The following TANC1 variants were observed in gnomAD, a reference collection of about 807,000 sequenced individuals.
TANC1 encodes tetratricopeptide repeat, ankyrin repeat and coiled-coil containing 1.
Under a neutral mutation model 149.7 loss-of-function variants are expected in TANC1, and 77 were observed. The ratio of observed to expected loss-of-function variants is 0.51; its 90% CI spans 0.43 to 0.62. TANC1 has a LOEUF of 0.62. TANC1 is among the 20% of genes least tolerant of loss of function. TANC1 has a pLI of 0.00. For synonymous variants in TANC1, 854 were observed against 925.0 expected (o/e 0.92, Z 1.39); for missense variants, 1,985 against 2,321.8 (o/e 0.85, Z 2.98).
chr2:159,056,077 A>G, intron 2 of TANC1: 1 of 303,706 alleles, frequency 3.3e-6, no homozygotes, highest in South Asian at 4.1e-5. Context: ...GTAGGCAGCA[A>G]TTTTCTCCAA....
intron 2 of TANC1, among the ~76,000 whole-genome samples, chr2:159,020,569 G>A (rs2038746958): frequency 6.6e-6 from 1 of 151,940 alleles, no homozygotes; most frequent in Non-Finnish European, 1.5e-5. Flanking sequence ...CATACTTACT[G>A]CATGGTAGCC....
intron 4 of TANC1, among the ~76,000 whole-genome samples, chr2:159,129,840 G>A (rs962707942): frequency 6.6e-5 from 10 of 152,168 alleles, no homozygotes; most frequent in East Asian, 1.9e-4. Flanking sequence ...AACTGAACAC[G>A]TTGGTGCTCC....
intron 2 of TANC1, among the ~76,000 whole-genome samples, chr2:159,035,799 T>C (rs2040142024): frequency 6.6e-6 from 1 of 152,214 alleles, no homozygotes; most frequent in Admixed American, 6.5e-5. Flanking sequence ...GGTGCCTTTG[T>C]AGCTTTAAAC....
chr2:159,083,595 T>G (rs899450487), intron 3 of TANC1, among the ~76,000 whole-genome samples: 11 of 152,358 alleles, frequency 7.2e-5, no homozygotes, highest in East Asian at 5.8e-4. Context: ...ATTTTCATAC[T>G]GATACTTGCA....
At position 159,229,934 on chromosome 2, in the gene TANC1, C is replaced by G. The variant is rs776062900; in HGVS notation, c.4508C>G (p.Ser1503Trp). The change falls in exon 27 of 27, where the codon TCG (serine) becomes TGG (tryptophan). Residue 1503 changes from serine to tryptophan, a missense_variant. By Grantham distance (177) the Ser-to-Trp change is radical. Transcript: ENST00000263635. Reference sequence around the variant, plus strand: ...TTACAGTCCAAAGGAAGGCCGGTATCGCCACAGAGCAGGGCAGGAATCGGC... The same window carrying G: ...TTACAGTCCAAAGGAAGGCCGGTATGGCCACAGAGCAGGGCAGGAATCGGC... ...EGLQSKGRPV[S>W]PQSRAGIGKS... 1 of 1,614,072 alleles carries G rather than the reference C, an allele frequency of 6.2e-7. No homozygotes were observed. Among genetic ancestry groups the G allele is most frequent in the Non-Finnish European group, 8.5e-7 (1 of 1,180,050 alleles).
At chr2:158,992,513 CTTT>C (rs1285026918) in intron 1 of TANC1, among the ~76,000 whole-genome samples, 1 of 151,338 alleles carries the variant, frequency 6.6e-6, no homozygotes, top group Non-Finnish European at 1.5e-5. Context: ...TAATATATTT[CTTT>C]TTTTGAGACG....
intron 19 of TANC1, among the ~76,000 whole-genome samples, chr2:159,212,559 T>G (rs2059059509): frequency 6.6e-6 from 1 of 152,210 alleles, no homozygotes; most frequent in Non-Finnish European, 1.5e-5. Flanking sequence ...ATATCTTGTG[T>G]TGTATCCATG....
At chr2:159,070,236 T>C (rs919604269) in intron 3 of TANC1, among the ~76,000 whole-genome samples, 6 of 152,252 alleles carry the variant, frequency 3.9e-5, no homozygotes, top group African/African-American at 1.4e-4. Flanking sequence ...ATTTAATCCC[T>C]AATGAAATCC....
intron 4 of TANC1, among the ~76,000 whole-genome samples, chr2:159,110,813 T>C (rs911918251): frequency 6.6e-6 from 1 of 152,212 alleles, no homozygotes; most frequent in African/African-American, 2.4e-5. Context: ...CCTTGATTGT[T>C]TATCCTCAGT....
intron 2 of TANC1, among the ~76,000 whole-genome samples, chr2:159,019,925 T>C (rs2038672647): frequency 6.6e-6 from 1 of 151,990 alleles, no homozygotes; most frequent in Non-Finnish European, 1.5e-5. Context: ...AGTAAATGCA[T>C]GCTGAGCAAA....
At chr2:159,225,466 A>G (rs2059967347) in intron 23 of TANC1, 1 of 585,054 alleles carries the variant, frequency 1.7e-6, no homozygotes, top group Non-Finnish European at 3.0e-6. Flanking sequence ...TTCGTTTCTC[A>G]TTACTTTTTT....
intron 2 of TANC1, among the ~76,000 whole-genome samples, chr2:159,019,683 T>TTTTTTTTTTTTTTTG (rs2038642133): frequency 9.6e-6 from 1 of 104,294 alleles, no homozygotes; most frequent in Non-Finnish European, 2.0e-5. Context: ...TTTTTTTTTT[T>TTTTTTTTTTTTTTTG]TTTGAGGCAG....
At chr2:159,150,763 G>T in intron 7 of TANC1, 1 of 450,046 alleles carries the variant, frequency 2.2e-6, no homozygotes, top group Non-Finnish European at 3.8e-6. Flanking sequence ...CTTTATAACA[G>T]TCAGCTCATT....
rs1355427109 is a variant in TANC1, at chr2:159,063,382, A to G, written c.-15-2514A>G. Among the ~76,000 whole-genome samples, 3 of 152,304 alleles carry G rather than the reference A, an allele frequency of 2.0e-5. No homozygotes were observed. The East Asian group carries it at 5.8e-4, about 29-fold the overall frequency. On this transcript the variant is annotated intron_variant, in intron 2 of 26. Transcript: ENST00000263635. ...TGTGACCATCCCCCTTTCAGTGGGC[A>G]TAGCCTGTATGTCCATTGGTGACTG...
In TANC1 at chr2:159,065,938, C is replaced by G; in HGVS notation, c.28C>G (p.Arg10Gly). 6.2e-7 allele frequency: 1 copy of G among 1,613,754 alleles called. No homozygotes were observed. Among genetic ancestry groups the G allele is most frequent in the Non-Finnish European group, 8.5e-7 (1 of 1,179,812 alleles). ...GTTAAAGGCTGTGCTGAAGAAGAGC[C>G]GAGAGGGAGGAAAGGGAGGCAAGAA... The part of the protein sequence containing the change: MLKAVLKKS[R>G]EGGKGGKKEA... The change falls in exon 3 of 27, where the codon CGA (arginine) becomes GGA (glycine). Residue 10 changes from arginine to glycine, a missense_variant. This residue lies in a region of TANC1 where 557 missense variants were observed against 612.9 expected (regional missense o/e 0.91). Transcript: ENST00000263635.
chr2:159,166,808 C>T (rs370836975), intron 8 of TANC1, among the ~76,000 whole-genome samples: 3 of 152,206 alleles, frequency 2.0e-5, no homozygotes, highest in Admixed American at 1.3e-4. Context: ...GAAAATGCCT[C>T]AGAAAGCTGA....
chr2:159,219,103 C>T (rs1245007505), intron 20 of TANC1, 135 bp from the exon 21 acceptor site: 2 of 1,166,198 alleles, frequency 1.7e-6, no homozygotes, highest in Non-Finnish European at 2.5e-6. Context: ...TTTCCAGGCC[C>T]CATGGTTCAC....
In TANC1 at chr2:159,018,930, C is replaced by T. The variant is rs187366406; in HGVS notation, c.-16+17741C>T. Reference sequence around the variant, plus strand: ...ATTTGAAACTCTTATTATGCCTTCTCGGGCATGAAGGTAGTAACATCTAAT... The same window carrying T: ...ATTTGAAACTCTTATTATGCCTTCTTGGGCATGAAGGTAGTAACATCTAAT... On this transcript the variant is annotated intron_variant, in intron 2 of 26. Transcript: ENST00000263635. Among the ~76,000 whole-genome samples, 4 of 152,302 alleles carry T rather than the reference C, an allele frequency of 2.6e-5. No individual in the cohort carries two copies. The East Asian group carries it at 5.8e-4, about 22-fold the overall frequency.
chr2:159,178,534 G>C (rs1406202590), intron 13 of TANC1, 22 bp from the exon 14 acceptor site: 2 of 1,536,840 alleles, frequency 1.3e-6, no homozygotes, highest in Non-Finnish European at 1.7e-6. Flanking sequence ...GTGACACTGT[G>C]GGTTTTTGTT....
Sources: allele counts gnomAD v4.1 joint callset (sites outside exome capture counted in the v4.1 genomes callset), GRCh38; gene constraint gnomAD v4.1.1; regional missense constraint gnomAD v4.1.1; transcripts MANE v1.5; gene names NCBI Gene and HGNC (gene_info 2026-07-23, HGNC 2026-07-21).